Variants in SORL1 observed in about 807,000 individuals in gnomAD.
SORL1 encodes the protein sortilin related receptor 1, also known as sortilin-related receptor.
SORL1 carries 127 observed loss-of-function variants against 273.7 expected under a neutral mutation model. The ratio of observed to expected loss-of-function variants is 0.46; its 90% confidence interval spans 0.40 to 0.54. SORL1 has a LOEUF of 0.54. Among genes scored for constraint, SORL1 ranks in the 20% least tolerant of loss-of-function variants. The pLI is 0.00. For missense variants in SORL1, 2,494 were observed against 2,846.1 expected (o/e 0.88, Z 2.81); for synonymous variants, 1,031 against 1,067.4 (o/e 0.97, Z 0.66).
chr11:121,633,441 A>G lies in SORL1; in HGVS notation c.*3878A>G, dbSNP rs1270329032. 6.6e-6 allele frequency: 1 copy of G among 152,242 alleles called. No individual in the cohort carries two copies. Among genetic ancestry groups the G allele is most frequent in the Non-Finnish European group, 1.5e-5 (1 of 68,040 alleles). 9.4% of individuals were successfully genotyped at this position (152,242 alleles called of 1,614,324 possible). ...TGAACTATTAGAAACTTTAGGCAAA[A>G]TCAAAAGTATTTGCGGCAAAATAAA... is the stretch of plus-strand genomic sequence containing the variant. On this transcript the variant is annotated 3_prime_UTR_variant, in exon 48 of 48. Transcript: ENST00000260197.
chr11:121,597,567 T>C (rs149282033), intron 32 of SORL1, among the ~76,000 whole-genome samples: 71 of 152,172 alleles, frequency 4.7e-4, no homozygotes, highest in African/African-American at 1.6e-3. Context: ...GCTCAAGTGA[T>C]TCTCTTGCCT....
Position 121,619,797 on chromosome 11 carries a change from T to C in SORL1, c.5769T>C (p.Val1923=). Residue 1923 remains valine (V), a synonymous_variant, in exon 43 of 48, where the codon GTT becomes GTC. Coordinates refer to ENST00000260197, the MANE Select transcript of SORL1 (RefSeq NM_003105.6). Reference sequence around the variant, plus strand: ...ACCAGGGGCCATCCTCTGACTACGTTGTAGTGAAGATGATCCCGGACAGCA... The same window carrying C: ...ACCAGGGGCCATCCTCTGACTACGTCGTAGTGAAGATGATCCCGGACAGCA... ...VPYQGPSSDY[V]VVKMIPDSRL... 2 of 1,614,056 alleles carry C rather than the reference T, an allele frequency of 1.2e-6. No individual in the cohort carries two copies. The highest frequency in any genetic ancestry group is 1.7e-6 in the Non-Finnish European group (2 of 1,179,928).
In SORL1 at chr11:121,550,946, A is replaced by G. The variant is rs998818373; in HGVS notation, c.2266+276A>G. On this transcript the variant is annotated intron_variant, in intron 16 of 47. Transcript: ENST00000260197. The surrounding 1 kb of genome is among the most constrained non-coding windows in gnomAD (Gnocchi z 5.3). ...ATTGAAAAATATTTATTCAGCATCC[A>G]CTGGGGTAGAAAGATCCCCACAGGC... Among the ~76,000 whole-genome samples the G allele has an allele frequency of 5.9e-5, 9 of 152,148 alleles. No individual in the cohort carries two copies. Among genetic ancestry groups the G allele is most frequent in the African/African-American group, 2.2e-4 (9 of 41,422 alleles).
At chr11:121,482,516 G>A (rs1861407960) in intron 3 of SORL1, among the ~76,000 whole-genome samples, 1 of 152,204 alleles carries the variant, frequency 6.6e-6, no homozygotes, top group South Asian at 2.1e-4. Context: ...CCCAGAGAAG[G>A]CTGCTCCTCA....
chr11:121,499,386 G>A (rs1009693915), intron 6 of SORL1, among the ~76,000 whole-genome samples: 1 of 152,108 alleles, frequency 6.6e-6, no homozygotes. Context: ...GGTCTTAGGA[G>A]TACCCACGTC....
rs778932251 is a variant in SORL1 at position 121,554,107 on chromosome 11, C to A, written c.2437C>A (p.Gln813Lys). ...YWSDLALDVIQRLCLNGSTGQ... is the reference protein window; with the variant it reads ...YWSDLALDVIKRLCLNGSTGQ... ...GTCCGACCTGGCCTTGGACGTCATC[C>A]AGGTGAGTCAGCGCTTGGTCTGACT... The change falls in exon 17 of 48, where the codon CAG (glutamine) becomes AAG (lysine). Residue 813 changes from glutamine (Q) to lysine (K), a missense_variant and splice_region_variant. This residue lies in a region of SORL1 where 1,609 missense variants were observed against 1,816.4 expected (regional missense o/e 0.89). Coordinates refer to ENST00000260197, the MANE Select transcript of SORL1 (RefSeq NM_003105.6). This position sits in a 1 kb window ranked among gnomAD's most constrained non-coding sequence, Gnocchi z 4.6. 1.2e-6 allele frequency: 2 copies of A among 1,613,436 alleles called. No individual in the cohort carries two copies. The highest frequency in any genetic ancestry group is 1.7e-6 in the Non-Finnish European group (2 of 1,179,570).
chr11:121,467,932 A>G (rs1861108999), intron 1 of SORL1, among the ~76,000 whole-genome samples: 1 of 152,202 alleles, frequency 6.6e-6, no homozygotes, highest in Non-Finnish European at 1.5e-5. Context: ...CGCCTTTCAA[A>G]TGTTTTTCAA....
At chr11:121,467,293 T>C (rs1159261719) in intron 1 of SORL1, among the ~76,000 whole-genome samples, 1 of 152,210 alleles carries the variant, frequency 6.6e-6, no homozygotes, top group Non-Finnish European at 1.5e-5. Context: ...AGGCTTGCCC[T>C]TGGTGCTCTT....
chr11:121,543,698 C>G lies in SORL1; in HGVS notation c.1836C>G (p.Ile612Met). 1 of 1,613,760 alleles carries G rather than the reference C, an allele frequency of 6.2e-7. No homozygotes were observed. The highest frequency in any genetic ancestry group is 8.5e-7 in the Non-Finnish European group (1 of 1,179,890). ...AAGAGAATGTCCACAGCTGGCTGAT[C>G]CTCCAGGTCAATGCCACGGATGCCT... Reference protein sequence around the residue: ...SNKENVHSWLILQVNATDALG... With the variant: ...SNKENVHSWLMLQVNATDALG... Residue 612 changes from isoleucine (I) to methionine (M), a missense_variant, in exon 13 of 48, where the codon ATC becomes ATG. By Grantham distance (10) the Ile-to-Met change is conservative. Coordinates refer to ENST00000260197, the MANE Select transcript of SORL1 (RefSeq NM_003105.6).
chr11:121,579,139 CT>C (rs77951783), intron 25 of SORL1, among the ~76,000 whole-genome samples: 35,060 of 152,164 alleles, frequency 0.23, 5,086 homozygotes, highest in East Asian at 0.55. Context: ...TATAGGCAAG[CT>C]TGTATAAACT....
At chr11:121,516,254 G>A (rs1474459345) in intron 8 of SORL1, among the ~76,000 whole-genome samples, 2 of 152,214 alleles carry the variant, frequency 1.3e-5, no homozygotes, top group Non-Finnish European at 2.9e-5. Context: ...ATGGATGTTG[G>A]CTGGACCCAG....
At chr11:121,599,297 C>T (rs578245410) in intron 32 of SORL1, among the ~76,000 whole-genome samples, 1 of 152,206 alleles carries the variant, frequency 6.6e-6, no homozygotes, top group East Asian at 1.9e-4. Context: ...GTAATCCCAG[C>T]ACTTTGGGAG....
chr11:121,585,558 C>CA (rs1249857287), intron 26 of SORL1, among the ~76,000 whole-genome samples: 11 of 148,702 alleles, frequency 7.4e-5, no homozygotes, highest in Admixed American at 1.3e-4. Context: ...TGGAAATGTT[C>CA]AAAATAGAAA....
chr11:121,495,080 G>T (rs999825736), intron 5 of SORL1, among the ~76,000 whole-genome samples: 3 of 152,196 alleles, frequency 2.0e-5, no homozygotes, highest in South Asian at 4.1e-4. Context: ...GTAAAAAGAA[G>T]CTCTTTTTTC....
chr11:121,597,529 T>C (rs1863315664), intron 32 of SORL1, among the ~76,000 whole-genome samples: 1 of 151,866 alleles, frequency 6.6e-6, no homozygotes, highest in Non-Finnish European at 1.5e-5. Flanking sequence ...GGGTGGGATC[T>C]CAGCTCACTG....
At chr11:121,599,270 C>T (rs555125108) in intron 32 of SORL1, among the ~76,000 whole-genome samples, 3 of 152,160 alleles carry the variant, frequency 2.0e-5, no homozygotes, top group Non-Finnish European at 2.9e-5. Flanking sequence ...ATAGGCCAGG[C>T]GCGGTGGCTC....
chr11:121,571,068 G>A (rs1372721043), intron 23 of SORL1, among the ~76,000 whole-genome samples: 2 of 152,152 alleles, frequency 1.3e-5, no homozygotes, highest in Admixed American at 6.5e-5. Context: ...ATATATTGCC[G>A]ATCAAGGCAG....
chr11:121,460,542 C>A (rs1029768174), intron 1 of SORL1, among the ~76,000 whole-genome samples: 1 of 151,834 alleles, frequency 6.6e-6, no homozygotes, highest in Admixed American at 6.6e-5. Flanking sequence ...ATTACAGGTG[C>A]GCACCACCAC....
intron 45 of SORL1, among the ~76,000 whole-genome samples, chr11:121,624,711 C>A (rs1863769012): frequency 6.6e-6 from 1 of 152,134 alleles, no homozygotes; most frequent in South Asian, 2.1e-4. Flanking sequence ...TATTATTAGT[C>A]AAATTCCATT....
Sources: allele counts gnomAD v4.1 joint callset (sites outside exome capture counted in the v4.1 genomes callset), GRCh38; gene constraint gnomAD v4.1.1; regional missense constraint gnomAD v4.1.1; non-coding constraint Gnocchi (gnomAD v3.1); transcripts MANE v1.5; gene names NCBI Gene and HGNC (gene_info 2026-07-23, HGNC 2026-07-21).